Variants in TRIM23 observed in about 807,000 individuals in gnomAD.
TRIM23 encodes the protein tripartite motif containing 23, also known as E3 ubiquitin-protein ligase TRIM23.
TRIM23 carries 27 observed loss-of-function variants against 71.0 expected under a neutral mutation model. The observed-to-expected ratio is 0.38, with a 90% CI of 0.28 to 0.52. The LOEUF (loss-of-function observed/expected upper bound fraction) is 0.52. TRIM23 is among the 20% of genes least tolerant of loss of function. The pLI is 0.84. For missense variants in TRIM23, 482 were observed against 692.3 expected, an observed-to-expected ratio of 0.70 and a Z score of 3.41; for synonymous variants, 234 against 238.0, an observed-to-expected ratio of 0.98 and a Z score of 0.16.
chr5:65,615,192 G>T (rs995367244), intron 2 of TRIM23, among the ~76,000 whole-genome samples: 1 of 152,034 alleles, frequency 6.6e-6, no homozygotes, highest in Non-Finnish European at 1.5e-5. Flanking sequence ...GTGAGCCACC[G>T]TGCCCAGCCT....
chr5:65,613,066 G>A (rs1459870819), intron 3 of TRIM23, among the ~76,000 whole-genome samples: 1 of 151,960 alleles, frequency 6.6e-6, no homozygotes, highest in Non-Finnish European at 1.5e-5. Context: ...ATACATCAAT[G>A]GTGTCATTCT....
At position 65,591,958 on chromosome 5, in the gene TRIM23, A is replaced by G. The variant is rs765370564; in HGVS notation, c.1546-10T>C. ...GTGCTCCAGCAACATCCTGAAAGAT[A>G]TATACACATATTTTTTATCAGTCCA... On this transcript the variant is annotated splice_polypyrimidine_tract_variant and intron_variant, in intron 10 of 10. Transcript: ENST00000231524. 1 of 1,609,060 alleles carries G rather than the reference A, an allele frequency of 6.2e-7. No individual in the cohort carries two copies. The highest frequency in any genetic ancestry group is 8.5e-7 in the Non-Finnish European group (1 of 1,176,828).
chr5:65,609,305 T>C lies in TRIM23; in HGVS notation c.982A>G (p.Met328Val), dbSNP rs1754589988. 6.2e-7 allele frequency: 1 copy of C among 1,614,060 alleles called. No homozygotes were observed. The highest frequency in any genetic ancestry group is 1.3e-5 in the African/African-American group (1 of 74,916). Reference protein sequence around the residue: ...LIWLRQQQEDMTILLSEVSAA... With the variant: ...LIWLRQQQEDVTILLSEVSAA... ...GAAACCTCTGACAACAAAATAGTCA[T>C]ATCTTCTTGTTGCTGCCTGAGCCAA... is the stretch of plus-strand genomic sequence containing the variant. Residue 328 changes from methionine to valine, a missense_variant, in exon 6 of 11, where the codon ATG becomes GTG. This residue lies in a region of TRIM23 where 307 missense variants were observed against 495.8 expected (regional missense o/e 0.62). Coordinates refer to ENST00000231524, the MANE Select transcript of TRIM23 (RefSeq NM_001656.4).
rs1753979737 is a variant in TRIM23 at position 65,590,180 on chromosome 5, CACAAGCAAT to C, written c.*1580_*1588del. 2 of 658,058 alleles carry C rather than the reference CACAAGCAAT, an allele frequency of 3.0e-6. No individual in the cohort carries two copies. Among genetic ancestry groups the C allele is most frequent in the Non-Finnish European group, 5.1e-6 (2 of 393,900 alleles). 40.8% of individuals were successfully genotyped at this position (658,058 alleles called of 1,614,324 possible). A position where few individuals can be genotyped will look rare whatever the true frequency, so the allele number is the denominator to read the frequency against. Reference sequence around the variant, plus strand: ...TTAACTAGTAAACAGTTCAAGTTCTCACAAGCAATACAACACCTTTTTTATTTTTCACAG... The same window carrying C: ...TTAACTAGTAAACAGTTCAAGTTCTCACAACACCTTTTTTATTTTTCACAG... On this transcript the variant is annotated 3_prime_UTR_variant, in exon 11 of 11. Transcript: ENST00000231524.
intron 9 of TRIM23, 63 bp downstream of exon 9, chr5:65,596,358 T>C: frequency 8.7e-7 from 1 of 1,147,020 alleles, no homozygotes; most frequent in Non-Finnish European, 1.3e-6. Flanking sequence ...GCTAGTTAAA[T>C]CAGTACACTG....
Position 65,597,196 on chromosome 5 carries a change from T to C in TRIM23, c.1180-16A>G. ...CTCGATTATCCTACAATTTAAATAT[T>C]TTTAAATATGTTTGACATGCAGTTA... On this transcript the variant is annotated splice_polypyrimidine_tract_variant and intron_variant, in intron 7 of 10. Transcript: ENST00000231524. The C allele has an allele frequency of 6.2e-7, 1 of 1,612,428 alleles. No homozygotes were observed. Among genetic ancestry groups the C allele is most frequent in the Non-Finnish European group, 8.5e-7 (1 of 1,178,902 alleles).
chr5:65,618,188 A>C lies in TRIM23; in HGVS notation c.149T>G (p.Leu50Arg). ...LQGDKVPRLL[L>R]CGHTVCHDCL... ...GTCATGACAGACGGTATGGCCACAA[A>C]GCAAAAGACGGGGAACTTTGTCTCC... Residue 50 changes from leucine to arginine, a missense_variant, in exon 2 of 11, where the codon CTT becomes CGT. Transcript: ENST00000231524. The C allele has an allele frequency of 6.2e-7, 1 of 1,614,164 alleles. No individual in the cohort carries two copies. Among genetic ancestry groups the C allele is most frequent in the Non-Finnish European group, 8.5e-7 (1 of 1,180,002 alleles).
At chr5:65,621,859 A>T (rs138127855) in intron 1 of TRIM23, among the ~76,000 whole-genome samples, 2,221 of 151,598 alleles carry the variant, frequency 0.015, 47 homozygotes, top group African/African-American at 0.052. Context: ...AAAGGGTCTC[A>T]CTCTGTCAGC....
intron 5 of TRIM23, among the ~76,000 whole-genome samples, chr5:65,609,869 C>T (rs1308023557): frequency 6.6e-6 from 1 of 152,168 alleles, no homozygotes; most frequent in Non-Finnish European, 1.5e-5. Context: ...CCCCTATTCC[C>T]AAACCTAATT....
chr5:65,610,785 A>G, intron 5 of TRIM23, 76 bp downstream of exon 5: 1 of 1,321,244 alleles, frequency 7.6e-7, no homozygotes, highest in South Asian at 1.5e-5. Flanking sequence ...GTAATTGCCC[A>G]TTAATTACTT....
chr5:65,592,079 C>G (rs1754054884), intron 10 of TRIM23, 131 bp from the exon 11 acceptor site: 1 of 862,424 alleles, frequency 1.2e-6, no homozygotes. Flanking sequence ...ATTCATCTTT[C>G]AGTAATTATT....
At position 65,608,442 on chromosome 5, in the gene TRIM23, G is replaced by T. The variant is rs142612886; in HGVS notation, c.1044+801C>A. Among the ~76,000 whole-genome samples the T allele has an allele frequency of 2.6e-3, 399 of 152,314 alleles. 1 individual carries two copies. The highest frequency in any genetic ancestry group is 9.0e-3 in the African/African-American group (373 of 41,564). The stretch of plus-strand genomic sequence containing the variant: ...ATAACCCAAGACTGATGAGGCTATA[G>T]ACTGGCCACTCTCATGTAAGTGTAA... On this transcript the variant is annotated intron_variant, in intron 6 of 10. Transcript: ENST00000231524.
In TRIM23 at chr5:65,591,387, G is replaced by T. The variant is rs1754020502; in HGVS notation, c.*382C>A. On this transcript the variant is annotated 3_prime_UTR_variant, in exon 11 of 11. Coordinates refer to ENST00000231524, the MANE Select transcript of TRIM23 (RefSeq NM_001656.4). ...CTATACTTCACTTGCTTCACACAGA[G>T]GTCTCATTAGGCACTCAATTGGCTA... 2 of 1,552,946 alleles carry T rather than the reference G, an allele frequency of 1.3e-6. No individual in the cohort carries two copies. The highest frequency in any genetic ancestry group is 1.2e-5 in the South Asian group (1 of 80,388).
chr5:65,601,963 T>A (rs1453106233), intron 7 of TRIM23, among the ~76,000 whole-genome samples: 1 of 152,200 alleles, frequency 6.6e-6, no homozygotes, highest in African/African-American at 2.4e-5. Flanking sequence ...TTTTTCCTCC[T>A]GGACCTCCAG....
chr5:65,603,673 T>C (rs920653570), intron 7 of TRIM23, among the ~76,000 whole-genome samples: 9 of 152,084 alleles, frequency 5.9e-5, no homozygotes, highest in African/African-American at 1.7e-4. Context: ...TTTCACATAA[T>C]TGTGAAAACA....
chr5:65,604,391 G>A lies in TRIM23; in HGVS notation c.1179+520C>T, dbSNP rs142822840. Among the ~76,000 whole-genome samples the A allele has an allele frequency of 4.5e-3, 679 of 152,044 alleles. 6 individuals are homozygous for A. The highest frequency in any genetic ancestry group is 0.016 in the African/African-American group (647 of 41,478). On this transcript the variant is annotated intron_variant, in intron 7 of 10. Coordinates refer to ENST00000231524, the MANE Select transcript of TRIM23 (RefSeq NM_001656.4). ...ATTACAGGTGTGAGCCACCGCACCC[G>A]GCCCCAATTATGTTTTTAAAAAGAG...
intron 7 of TRIM23, among the ~76,000 whole-genome samples, chr5:65,602,175 CT>C (rs1402675075): frequency 6.6e-6 from 1 of 152,182 alleles, no homozygotes; most frequent in East Asian, 1.9e-4. Flanking sequence ...CTCTGCTTCC[CT>C]TATAAAACTG....
Position 65,615,414 on chromosome 5 carries a change from T to C in TRIM23, c.245-1195A>G, listed in dbSNP as rs573191404. On this transcript the variant is annotated intron_variant, in intron 2 of 10. Transcript: ENST00000231524. ...GAATATTTGTTATGGTAAACTCCTA[T>C]GCAACAAATAACATCTGATATAGCT... 2.6e-5 allele frequency among the ~76,000 whole-genome samples: 4 copies of C among 152,232 alleles called. No homozygotes were observed. In the South Asian group the frequency reaches 8.3e-4, roughly 32 times the overall value.
intron 6 of TRIM23, among the ~76,000 whole-genome samples, 156 bp from the exon 7 acceptor site, chr5:65,605,201 AT>A (rs1427911898): frequency 6.6e-6 from 1 of 152,236 alleles, no homozygotes; most frequent in African/African-American, 2.4e-5. Flanking sequence ...TTAATAAATA[AT>A]TTAAGGACTT....
Sources: allele counts gnomAD v4.1 joint callset (sites outside exome capture counted in the v4.1 genomes callset), GRCh38; gene constraint gnomAD v4.1.1; regional missense constraint gnomAD v4.1.1; transcripts MANE v1.5; gene names NCBI Gene and HGNC (gene_info 2026-07-23, HGNC 2026-07-21).